The following CDH12 variants were observed in gnomAD, a reference collection of about 807,000 sequenced individuals.
CDH12 encodes the protein cadherin 12.
In CDH12, 41 loss-of-function variants were observed where a neutral mutation model predicts 74.1. That is an observed-to-expected ratio of 0.55 (90% confidence interval 0.43 to 0.72). The LOEUF is 0.72. Ranked by LOEUF, CDH12 falls within the 30% of genes least tolerant of loss-of-function variation. The pLI is 0.00. For missense variants in CDH12, 945 were observed against 977.2 expected, an observed-to-expected ratio of 0.97 and a Z score of 0.44; for synonymous variants, 399 against 355.0, an observed-to-expected ratio of 1.12 and a Z score of -1.39.
At chr5:22,719,559 A>G (rs200324295) in intron 1 of CDH12, among the ~76,000 whole-genome samples, 1 of 152,122 alleles carries the variant, frequency 6.6e-6, no homozygotes, top group Non-Finnish European at 1.5e-5. Flanking sequence ...TCAGAGAATG[A>G]GGGAGCACAT....
intron 4 of CDH12, among the ~76,000 whole-genome samples, chr5:22,105,154 C>A (rs557922477): frequency 7.2e-4 from 110 of 151,962 alleles, no homozygotes; most frequent in African/African-American, 2.5e-3. Flanking sequence ...TGCAGTGGTA[C>A]GATCTCAGCT....
intron 6 of CDH12, among the ~76,000 whole-genome samples, chr5:21,970,762 C>T (rs1467541254): frequency 5.2e-5 from 7 of 134,920 alleles, no homozygotes; most frequent in Admixed American, 8.5e-5. Context: ...ATCACTTGAA[C>T]CTGGAAGGCA....
chr5:22,094,717 C>T (rs1386062425), intron 4 of CDH12, among the ~76,000 whole-genome samples: 3 of 152,140 alleles, frequency 2.0e-5, no homozygotes, highest in Non-Finnish European at 4.4e-5. Context: ...GGCCTCTGAG[C>T]CCAAGCTAAG....
intron 1 of CDH12, among the ~76,000 whole-genome samples, chr5:22,817,625 C>CA (rs1244633061): frequency 6.6e-6 from 1 of 151,940 alleles, no homozygotes; most frequent in African/African-American, 2.4e-5. Context: ...TGACTCTATT[C>CA]AAAAATCTAT....
chr5:22,762,998 CATCTATTCTTACATTTATACTTCGAAT>C lies in CDH12; in HGVS notation c.-523+90033_-523+90059del, dbSNP rs1214876249. Among the ~76,000 whole-genome samples, 19 of 151,906 alleles carry C rather than the reference CATCTATTCTTACATTTATACTTCGAAT, an allele frequency of 1.3e-4. No homozygotes were observed. In the East Asian group the frequency reaches 3.5e-3, roughly 28 times the overall value. On this transcript the variant is annotated intron_variant, in intron 1 of 14. Transcript: ENST00000382254. ...AACACTGAAAATTAAAAAAAAAATACATCTATTCTTACATTTATACTTCGAATAAGAATTTTTCATGTTGATGTTCTG... is the reference window on the plus strand; with the variant it reads ...AACACTGAAAATTAAAAAAAAAATACAAGAATTTTTCATGTTGATGTTCTG...
At chr5:21,979,134 TTC>T (rs1425104091) in intron 5 of CDH12, among the ~76,000 whole-genome samples, 138 of 152,340 alleles carry the variant, frequency 9.1e-4, no homozygotes, top group African/African-American at 3.2e-3. Context: ...CAAAAATAAT[TTC>T]TTTCCTTTGT....
In CDH12 at chr5:22,300,530, C is replaced by A. The variant is rs16894040; in HGVS notation, c.-332-87887G>T. On this transcript the variant is annotated intron_variant, in intron 3 of 14. Transcript: ENST00000382254. The stretch of plus-strand genomic sequence containing the variant: ...CTGTCACTTTCAAATAACTGATTAC[C>A]AGCCCTGCCATACTCCAGTTTTCAA... Among the ~76,000 whole-genome samples, 1,082 of 152,272 alleles carry A rather than the reference C, an allele frequency of 7.1e-3. 13 individuals are homozygous for A. The South Asian group carries it at 0.076, about 11-fold the overall frequency.
At position 22,078,847 on chromosome 5, in the gene CDH12, T is replaced by C; in HGVS notation, c.-171A>G. The C allele has an allele frequency of 1.4e-6, 2 of 1,398,584 alleles. No individual in the cohort carries two copies. The highest frequency in any genetic ancestry group is 2.9e-5 in the African/African-American group (2 of 69,166). 86.6% of individuals were successfully genotyped at this position (1,398,584 alleles called of 1,614,324 possible). ...ATGAAAAGGCTTCTGCTGTATTATA[T>C]TCCATCTAAAGGGGCCTATGAAATA... On this transcript the variant is annotated 5_prime_UTR_variant, in exon 5 of 15. Coordinates refer to ENST00000382254, the MANE Select transcript of CDH12 (RefSeq NM_004061.5).
intron 3 of CDH12, among the ~76,000 whole-genome samples, chr5:22,379,266 A>C (rs1312428464): frequency 1.3e-5 from 2 of 152,174 alleles, no homozygotes; most frequent in African/African-American, 4.8e-5. Context: ...GTAAAATTAA[A>C]GTTCAGTTAC....
chr5:22,033,363 G>C (rs772673190), intron 5 of CDH12, among the ~76,000 whole-genome samples: 3 of 152,066 alleles, frequency 2.0e-5, no homozygotes, highest in Admixed American at 1.3e-4. Context: ...CCTAGCCCTG[G>C]GTTTTCCATT....
At chr5:22,462,950 T>G (rs2662510) in intron 2 of CDH12, among the ~76,000 whole-genome samples, 123,543 of 152,090 alleles carry the variant, frequency 0.81, 50,437 homozygotes, top group Admixed American at 0.89. Flanking sequence ...CATTAAAGAT[T>G]CCAAGAGAAC....
intron 4 of CDH12, among the ~76,000 whole-genome samples, chr5:22,088,960 T>G (rs1379713369): frequency 6.6e-6 from 1 of 152,158 alleles, no homozygotes; most frequent in Admixed American, 6.6e-5. Context: ...TAAAACTTCA[T>G]ACCAAATACT....
At chr5:22,521,830 C>T (rs1224018156) in intron 1 of CDH12, among the ~76,000 whole-genome samples, 1 of 152,094 alleles carries the variant, frequency 6.6e-6, no homozygotes, top group Non-Finnish European at 1.5e-5. Context: ...AGCAGCCTAT[C>T]GATCTCTGAC....
intron 5 of CDH12, among the ~76,000 whole-genome samples, chr5:22,040,861 T>C (rs1174194906): frequency 1.3e-5 from 2 of 152,078 alleles, no homozygotes; most frequent in African/African-American, 2.4e-5. Context: ...ATATAATGTA[T>C]AAAATTCACT....
chr5:22,259,835 C>G (rs1025587376), intron 3 of CDH12, among the ~76,000 whole-genome samples: 4 of 151,998 alleles, frequency 2.6e-5, no homozygotes, highest in Admixed American at 1.3e-4. Flanking sequence ...AACTTTGAAG[C>G]TGACCGAATT....
chr5:21,956,670 C>G (rs550556175), intron 6 of CDH12, among the ~76,000 whole-genome samples: 37 of 152,110 alleles, frequency 2.4e-4, no homozygotes, highest in African/African-American at 8.9e-4. Context: ...TCTGTTACTT[C>G]TATTTTCTTA....
chr5:21,896,389 A>AT (rs1192289517), intron 6 of CDH12, among the ~76,000 whole-genome samples: 1 of 152,210 alleles, frequency 6.6e-6, no homozygotes, highest in Admixed American at 6.5e-5. Context: ...CTGCTCAAAA[A>AT]TCTAAAAGAT....
chr5:21,824,115 C>G (rs1405354758), intron 8 of CDH12, among the ~76,000 whole-genome samples: 1 of 152,114 alleles, frequency 6.6e-6, no homozygotes, highest in Non-Finnish European at 1.5e-5. Flanking sequence ...TTGGCCACCC[C>G]ACCCACGTCC....
At chr5:21,816,848 G>T in intron 9 of CDH12, 97 bp downstream of exon 9, 1 of 875,752 alleles carries the variant, frequency 1.1e-6, no homozygotes. Flanking sequence ...ATTGCTAATT[G>T]AAGGAAAATT....
Sources: gnomAD v4.1 joint callset for allele counts (sites outside exome capture counted in the v4.1 genomes callset) on GRCh38, gnomAD v4.1.1 for gene constraint, MANE v1.5 for transcripts, NCBI Gene and HGNC (gene_info 2026-07-23, HGNC 2026-07-21) for gene names.